The following PIGN variants were observed in gnomAD, a reference collection of about 807,000 sequenced individuals.
The protein encoded by PIGN is phosphatidylinositol glycan anchor biosynthesis class N.
In PIGN, 117 loss-of-function variants were observed where a neutral mutation model predicts 125.4. The observed-to-expected ratio is 0.93, with a 90% confidence interval of 0.80 to 1.09. The LOEUF (loss-of-function observed/expected upper bound fraction) is 1.09, where lower values mean the gene tolerates loss of function less well. PIGN is among the 50% of genes least tolerant of loss of function. PIGN has a pLI of 0.00. For missense variants in PIGN, 1,075 were observed against 1,094.9 expected, an observed-to-expected ratio of 0.98 and a Z score of 0.26; for synonymous variants, 392 against 377.8, an observed-to-expected ratio of 1.04 and a Z score of -0.44.
intron 25 of PIGN, among the ~76,000 whole-genome samples, chr18:62,087,032 G>C (rs754996507): frequency 7.9e-5 from 12 of 152,128 alleles, no homozygotes; most frequent in Admixed American, 2.6e-4. Context: ...CCAGCAGAAT[G>C]TTAGACATGT....
At chr18:62,154,334 G>T (rs994012359) in intron 7 of PIGN, 1 of 495,122 alleles carries the variant, frequency 2.0e-6, no homozygotes, top group Non-Finnish European at 3.5e-6. Flanking sequence ...CTAATCTAGG[G>T]CTCATTTTAC....
rs781063151 is a variant in PIGN, at chr18:62,148,216, C to T, written c.672G>A (p.Ser224=). 1.6e-5 allele frequency: 25 copies of T among 1,538,854 alleles called. No homozygotes were observed. Among genetic ancestry groups the T allele is most frequent in the South Asian group, 2.5e-5 (2 of 80,100 alleles). Residue 224 remains serine, a splice_region_variant and synonymous_variant, in exon 8 of 31, where the codon TCG becomes TCA. Transcript: ENST00000640252. ...AATTAAACACAATATTAAATTACCT[C>T]GAGGATGGTCGATGAGCATGTCCGT... ...DTNGHAHRPS[S]RDYKHNIKKV...
chr18:62,156,866 G>C (rs2036754052), intron 6 of PIGN, among the ~76,000 whole-genome samples: 1 of 152,016 alleles, frequency 6.6e-6, no homozygotes, highest in African/African-American at 2.4e-5. Flanking sequence ...AATTGCTCAA[G>C]ATTATATAGC....
intron 30 of PIGN, among the ~76,000 whole-genome samples, chr18:62,046,188 T>C (rs1199415261): frequency 6.6e-6 from 1 of 152,158 alleles, no homozygotes; most frequent in Non-Finnish European, 1.5e-5. Flanking sequence ...ATGGACTGGT[T>C]CCAGGACCTT....
At position 62,044,741 on chromosome 18, in the gene PIGN, TCTTAAAAATAGGGCGCATACCAGGAAAG is replaced by T. The variant is rs1166285486; in HGVS notation, c.*1087_*1114del. The T allele has an allele frequency of 1.3e-5, 2 of 152,192 alleles. No homozygotes were observed. The highest frequency in any genetic ancestry group is 2.9e-5 in the Non-Finnish European group (2 of 68,038). The allele number at this position is 152,192 out of a possible 1,614,324, so 9.4% of individuals were successfully genotyped here. A position where few individuals can be genotyped will look rare whatever the true frequency, so the allele number is the denominator to read the frequency against. ...ATAACTTAATTCAAAAGCAATTACT[TCTTAAAAATAGGGCGCATACCAGGAAAG>T]CTTAGCATCAGCCAAAGCTACTAGC... On this transcript the variant is annotated 3_prime_UTR_variant, in exon 31 of 31. Transcript: ENST00000640252.
Position 62,113,210 on chromosome 18 carries a change from C to T in PIGN, c.1358G>A (p.Gly453Glu), listed in dbSNP as rs766942873. 1.9e-6 allele frequency: 3 copies of T among 1,612,850 alleles called. No individual in the cohort carries two copies. The highest frequency in any genetic ancestry group is 2.2e-5 in the South Asian group (2 of 91,028). ...CAACAAAGAGGCATAAGATATCCAT[C>T]CCACAAAACCAATAACAACATTGAC... Reference protein sequence around the residue: ...LGVNVVIGFVGWISYASLLII... With the variant: ...LGVNVVIGFVEWISYASLLII... Residue 453 changes from glycine (G) to glutamate (E), a missense_variant, in exon 16 of 31, where the codon GGA (glycine) becomes GAA (glutamate). Around this residue, in one of 3 missense-constraint regions of PIGN, gnomAD observed 915 missense variants for 908.7 expected, o/e 1.01. Transcript: ENST00000640252.
At chr18:62,040,108 TC>T (rs2030330450), downstream of PIGN, among the ~76,000 whole-genome samples, 2 of 80,422 alleles carry the variant, frequency 2.5e-5, no homozygotes, top group East Asian at 6.2e-4. Context: ...TAGGGCCCCT[TC>T]CAGGGTGCCG....
intron 1 of PIGN, among the ~76,000 whole-genome samples, chr18:62,168,634 C>T (rs1255792016): frequency 2.0e-5 from 3 of 152,158 alleles, no homozygotes; most frequent in Non-Finnish European, 2.9e-5. Flanking sequence ...GTAAATTCAA[C>T]ATCAATGTAA....
chr18:62,075,004 C>A lies in PIGN; in HGVS notation c.2577-183G>T, dbSNP rs2033099665. On this transcript the variant is annotated intron_variant, in intron 28 of 30. Transcript: ENST00000640252. ...GACCATACCATAGAGATGAGCTGGA[C>A]TGTAAAATGTGTTATTAAGTGCTCT... The A allele has an allele frequency of 2.5e-5, 12 of 476,930 alleles. No individual in the cohort carries two copies. In the South Asian group the frequency reaches 3.0e-4, roughly 12 times the overall value. 29.5% of individuals were successfully genotyped at this position (476,930 alleles called of 1,614,324 possible).
intron 12 of PIGN, among the ~76,000 whole-genome samples, chr18:62,140,119 C>T (rs2036079753): frequency 6.6e-6 from 1 of 151,986 alleles, no homozygotes. Context: ...GAATATAATA[C>T]ACAAGCAATC....
At chr18:62,033,241 G>A (rs566224026) in intron 23 of PIGN, among the ~76,000 whole-genome samples, 1 of 152,270 alleles carries the variant, frequency 6.6e-6, no homozygotes, top group South Asian at 2.1e-4. Context: ...ACGCAAATAA[G>A]AAGGTAGAAC....
At chr18:62,145,826 T>C (rs1234825891) in intron 10 of PIGN, 83 bp downstream of exon 10, 1 of 705,446 alleles carries the variant, frequency 1.4e-6, no homozygotes, top group Non-Finnish European at 2.5e-6. Flanking sequence ...CAACTAAAAT[T>C]TGAAGAGTGA....
intron 4 of PIGN, 45 bp downstream of exon 4, chr18:62,161,088 G>C (rs762752996): frequency 7.7e-7 from 1 of 1,306,132 alleles, no homozygotes; most frequent in Admixed American, 1.8e-5. Context: ...ACTTAACTCA[G>C]AATAACATTT....
intron 1 of PIGN, among the ~76,000 whole-genome samples, chr18:62,172,760 T>C (rs1167745550): frequency 6.6e-6 from 1 of 152,220 alleles, no homozygotes; most frequent in Non-Finnish European, 1.5e-5. Flanking sequence ...CAAGGTTTAC[T>C]GAAGTAACAA....
At chr18:62,053,581 C>T (rs935481085) in intron 30 of PIGN, among the ~76,000 whole-genome samples, 29 of 152,262 alleles carry the variant, frequency 1.9e-4, no homozygotes, top group Admixed American at 1.0e-3. Flanking sequence ...ATGGAGGAAA[C>T]ATCATGCAAA....
chr18:62,051,472 T>G (rs2031281269), intron 30 of PIGN, among the ~76,000 whole-genome samples: 1 of 152,214 alleles, frequency 6.6e-6, no homozygotes, highest in East Asian at 1.9e-4. Flanking sequence ...CTTCTAGATT[T>G]TCTAGTTTAT....
intron 7 of PIGN, among the ~76,000 whole-genome samples, chr18:62,152,749 T>C (rs1424749152): frequency 1.3e-5 from 2 of 152,170 alleles, no homozygotes; most frequent in African/African-American, 4.8e-5. Flanking sequence ...GTATTGCTTT[T>C]GCACTGGTGG....
chr18:62,059,859 A>C (rs959976123), intron 30 of PIGN, among the ~76,000 whole-genome samples: 1 of 152,206 alleles, frequency 6.6e-6, no homozygotes, highest in Non-Finnish European at 1.5e-5. Flanking sequence ...AAAACAAAGA[A>C]AGAAAAGATT....
intron 17 of PIGN, among the ~76,000 whole-genome samples, chr18:62,108,544 T>A (rs1392631509): frequency 1.3e-5 from 2 of 152,070 alleles, no homozygotes; most frequent in Non-Finnish European, 2.9e-5. Context: ...TGCCTTATAG[T>A]TAATATTTTA....
Sources: allele counts gnomAD v4.1 joint callset (sites outside exome capture counted in the v4.1 genomes callset), GRCh38; gene constraint gnomAD v4.1.1; regional missense constraint gnomAD v4.1.1; transcripts MANE v1.5; gene names NCBI Gene and HGNC (gene_info 2026-07-23, HGNC 2026-07-21).